Variants in TENM1 observed in about 807,000 individuals in gnomAD.
TENM1 encodes the protein teneurin-1.
In TENM1, 35 loss-of-function variants were observed where a neutral mutation model predicts 174.8. The observed-to-expected ratio is 0.20, with a 90% CI of 0.15 to 0.27. The LOEUF (loss-of-function observed/expected upper bound fraction) is 0.27. Ranked by LOEUF, TENM1 falls within the 10% of genes least tolerant of loss-of-function variation. TENM1 has a pLI of 1.00. For synonymous variants in TENM1, 781 were observed against 798.7 expected, an observed-to-expected ratio of 0.98 and a Z score of 0.37; for missense variants, 1,633 against 2,130.1, an observed-to-expected ratio of 0.77 and a Z score of 4.59.
intron 25 of TENM1, among the ~76,000 whole-genome samples, chrX:124,417,236 T>C (rs370010869): frequency 3.3e-4 from 36 of 109,813 alleles, no homozygotes; most frequent in African/African-American, 1.2e-3. Flanking sequence ...TGAAACAGAG[T>C]TTCGCTCTTG....
chrX:124,541,006 A>G (rs2048307262), intron 15 of TENM1, among the ~76,000 whole-genome samples: 1 of 112,408 alleles, frequency 8.9e-6, no homozygotes, highest in African/African-American at 3.2e-5. Context: ...AGGTTGTGAC[A>G]GTGATGGAAT....
chrX:125,174,165 A>G, the TENM1 span, among the ~76,000 whole-genome samples: 501 of 111,565 alleles, frequency 4.5e-3, 4 homozygotes, highest in African/African-American at 0.016. Flanking sequence ...TTAGAAACAC[A>G]ATGAGTTTCA....
At chrX:125,024,387 A>C in the TENM1 span, among the ~76,000 whole-genome samples, 14 of 107,125 alleles carry the variant, frequency 1.3e-4, no homozygotes, top group African/African-American at 4.1e-4. Flanking sequence ...CACACACACC[A>C]CACACACACA....
the TENM1 span, among the ~76,000 whole-genome samples, chrX:125,171,613 C>T: frequency 9.0e-6 from 1 of 110,899 alleles, no homozygotes; most frequent in Non-Finnish European, 1.9e-5. Context: ...TCACCTCTTC[C>T]AGCATGTGAG....
chrX:124,508,973 T>C (rs2047515743), intron 18 of TENM1, among the ~76,000 whole-genome samples: 1 of 110,918 alleles, frequency 9.0e-6, no homozygotes, highest in Non-Finnish European at 1.9e-5. Flanking sequence ...TGACAGGCAG[T>C]TTGTGGGGCA....
chrX:124,826,309 T>C (rs765177762), intron 3 of TENM1, among the ~76,000 whole-genome samples: 1 of 109,340 alleles, frequency 9.1e-6, no homozygotes, highest in South Asian at 4.0e-4. Context: ...CTCAAGAGGC[T>C]GAGGTGAGAA....
At chrX:124,563,749 C>T (rs1193373783) in exon 13 of TENM1, 1 of 1,188,050 alleles carries the variant, frequency 8.4e-7, no homozygotes, top group African/African-American at 1.8e-5. Context: ...AAAATCTTAC[C>T]TCGGACAGCA....
chrX:124,795,712 T>G lies in TENM1; in HGVS notation c.536-58515A>C, dbSNP rs750957546. ...CTTTAACCTAAGGTGGCAGTTTCTT[T>G]TTTTTTTTAAATTTAGGCGGTGGTT... On this transcript the variant is annotated intron_variant, in intron 3 of 31. Coordinates refer to ENST00000422452, the Ensembl canonical transcript of TENM1. 3.1e-4 allele frequency among the ~76,000 whole-genome samples: 34 copies of G among 110,755 alleles called. 1 individual carries two copies. Among genetic ancestry groups the G allele is most frequent in the Non-Finnish European group, 6.2e-4 (33 of 52,820 alleles).
chrX:124,807,883 A>ACC (rs1388381613), intron 3 of TENM1, among the ~76,000 whole-genome samples: 1 of 91,636 alleles, frequency 1.1e-5, no homozygotes, highest in African/African-American at 4.2e-5. Flanking sequence ...TCACTTACAC[A>ACC]CACACACACA....
the TENM1 span, among the ~76,000 whole-genome samples, chrX:125,191,510 G>C: frequency 9.0e-6 from 1 of 111,528 alleles, no homozygotes; most frequent in African/African-American, 3.3e-5. Context: ...TCATTACATA[G>C]GATGGTCAGA....
chrX:124,705,202 C>G lies in TENM1; in HGVS notation c.826G>C (p.Ala276Pro), dbSNP rs778661097. Reference sequence around the variant, plus strand: ...GATGTCAGAGGGTAGTTCTGACTGGCTGCACTGAAGATCGCAGAGGAACCA... The same window carrying G: ...GATGTCAGAGGGTAGTTCTGACTGGGTGCACTGAAGATCGCAGAGGAACCA... Residue 276 changes from alanine to proline, a missense_variant, in exon 5 of 32, where the codon GCC (alanine) becomes CCC (proline). Ala to Pro is a conservative substitution (Grantham distance 27). This residue lies in a region of TENM1 where 305 missense variants were observed against 309.2 expected (regional missense o/e 0.99). Transcript: ENST00000422452. 10 of 1,207,238 alleles carry G rather than the reference C, an allele frequency of 8.3e-6. No homozygotes were observed. Among genetic ancestry groups the G allele is most frequent in the Non-Finnish European group, 1.0e-5 (9 of 893,764 alleles).
intron 3 of TENM1, among the ~76,000 whole-genome samples, chrX:124,810,314 TA>T (rs1294052490): frequency 9.0e-6 from 1 of 111,543 alleles, no homozygotes; most frequent in African/African-American, 3.3e-5. Flanking sequence ...TAGAAAATCC[TA>T]AAGCCACCAC....
chrX:124,422,973 C>T (rs1173129602), intron 23 of TENM1, among the ~76,000 whole-genome samples: 1 of 111,812 alleles, frequency 8.9e-6, no homozygotes, highest in African/African-American at 3.3e-5. Flanking sequence ...TTCTCAGGTC[C>T]CACCCTAGAT....
chrX:124,530,041 C>CA (rs1413313401), intron 15 of TENM1, 58 bp from the exon 19 acceptor site: 32 of 1,150,483 alleles, frequency 2.8e-5, no homozygotes, highest in Non-Finnish European at 3.6e-5. Context: ...TTCTAGAAGT[C>CA]AAGTTGTAGA....
At chrX:124,486,943 G>A (rs2046965482) in intron 21 of TENM1, among the ~76,000 whole-genome samples, 1 of 111,433 alleles carries the variant, frequency 9.0e-6, no homozygotes, top group Non-Finnish European at 1.9e-5. Flanking sequence ...TGAAACTTAA[G>A]GCCTTGCTTT....
chrX:124,643,506 G>C (rs756317960), intron 10 of TENM1, among the ~76,000 whole-genome samples: 3 of 111,279 alleles, frequency 2.7e-5, no homozygotes, highest in Admixed American at 9.6e-5. Flanking sequence ...CTAGTGTTTA[G>C]AGAAGCCAGA....
intron 8 of TENM1, among the ~76,000 whole-genome samples, chrX:124,650,414 T>A (rs2051276039): frequency 9.0e-6 from 1 of 110,855 alleles, no homozygotes; most frequent in Non-Finnish European, 1.9e-5. Context: ...TATATGAAAC[T>A]GACAGCTTGA....
the TENM1 span, among the ~76,000 whole-genome samples, chrX:125,093,864 C>T: frequency 8.9e-6 from 1 of 112,192 alleles, no homozygotes; most frequent in Middle Eastern, 4.7e-3. Context: ...AGGGCAAATT[C>T]TCTATTAAAG....
At chrX:125,186,112 C>A in the TENM1 span, among the ~76,000 whole-genome samples, 2 of 110,381 alleles carry the variant, frequency 1.8e-5, no homozygotes, top group Non-Finnish European at 3.8e-5. Flanking sequence ...CTAGTGTAAA[C>A]AATTTATAAT....
Sources: gnomAD v4.1 joint callset for allele counts (sites outside exome capture counted in the v4.1 genomes callset) on GRCh38, gnomAD v4.1.1 for gene constraint, gnomAD v4.1.1 regional missense constraint, MANE v1.5 for transcripts, NCBI Gene and HGNC (gene_info 2026-07-23, HGNC 2026-07-21) for gene names.